SNX29: variants seen among roughly 807,000 people sequenced by gnomAD.
SNX29 encodes the protein sorting nexin-29.
A neutral mutation model predicts 102.1 loss-of-function variants in SNX29; 78 were observed. The ratio of observed to expected loss-of-function variants is 0.76; its 90% confidence interval spans 0.64 to 0.92. The LOEUF (loss-of-function observed/expected upper bound fraction) is 0.92, where lower values mean the gene tolerates loss of function less well. Ranked by LOEUF, SNX29 falls within the 40% of genes least tolerant of loss-of-function variation. SNX29 has a pLI of 0.00. For synonymous variants in SNX29, 580 were observed against 414.5 expected (o/e 1.40, Z -4.85); for missense variants, 1,280 against 1,061.7 (o/e 1.21, Z -2.86).
intron 13 of SNX29, among the ~76,000 whole-genome samples, chr16:12,196,383 C>T (rs2076773644): frequency 1.3e-5 from 2 of 150,580 alleles, no homozygotes; most frequent in Admixed American, 6.6e-5. Context: ...ATATTAAGTG[C>T]CCTACTCAGA....
intron 14 of SNX29, among the ~76,000 whole-genome samples, chr16:12,233,624 G>C (rs2077836521): frequency 6.6e-6 from 1 of 152,154 alleles, no homozygotes; most frequent in Admixed American, 6.5e-5. Flanking sequence ...ACTTTATTGA[G>C]ATATAATTCA....
chr16:11,993,067 A>C (rs2055915563), intron 1 of SNX29, among the ~76,000 whole-genome samples: 1 of 152,060 alleles, frequency 6.6e-6, no homozygotes, highest in Admixed American at 6.6e-5. Flanking sequence ...CAGGAGGCTG[A>C]GGTAGGAGAA....
chr16:12,345,901 A>G (rs764055187), intron 15 of SNX29, among the ~76,000 whole-genome samples: 3 of 152,182 alleles, frequency 2.0e-5, no homozygotes, highest in African/African-American at 7.2e-5. Context: ...TGGATTGTGG[A>G]CAAATGTGAA....
intron 16 of SNX29, among the ~76,000 whole-genome samples, chr16:12,383,094 C>A (rs890921562): frequency 6.6e-6 from 1 of 152,190 alleles, no homozygotes; most frequent in Non-Finnish European, 1.5e-5. Flanking sequence ...ACAAGTAATA[C>A]ATGAAGACAT....
intron 18 of SNX29, among the ~76,000 whole-genome samples, chr16:12,415,348 G>A (rs1381709917): frequency 1.3e-5 from 2 of 152,244 alleles, no homozygotes; most frequent in Non-Finnish European, 2.9e-5. Context: ...TTGGAGTCTT[G>A]ATCAAGATGC....
intron 16 of SNX29, among the ~76,000 whole-genome samples, chr16:12,395,863 C>G (rs893022069): frequency 3.3e-5 from 5 of 152,222 alleles, no homozygotes; most frequent in African/African-American, 1.2e-4. Context: ...TGGCTCCAGT[C>G]TTGAAAGACA....
intron 1 of SNX29, among the ~76,000 whole-genome samples, chr16:11,991,705 G>A (rs2055857834): frequency 7.4e-6 from 1 of 134,790 alleles, no homozygotes; most frequent in South Asian, 2.3e-4. Flanking sequence ...ACCACCTGAG[G>A]CTAATCTTTT....
At chr16:12,529,501 G>A (rs979517160) in intron 20 of SNX29, among the ~76,000 whole-genome samples, 22 of 152,134 alleles carry the variant, frequency 1.4e-4, no homozygotes, top group African/African-American at 4.8e-4. Context: ...GTCATTTAGC[G>A]CATTATTAAA....
chr16:12,229,813 T>G (rs1022068769), intron 14 of SNX29, among the ~76,000 whole-genome samples: 8 of 152,224 alleles, frequency 5.3e-5, no homozygotes, highest in Admixed American at 1.3e-4. Context: ...ACTGGTCAAC[T>G]GTGCTTGGAC....
At chr16:11,994,860 T>G (rs986280800) in intron 1 of SNX29, among the ~76,000 whole-genome samples, 6 of 152,128 alleles carry the variant, frequency 3.9e-5, no homozygotes, top group African/African-American at 1.4e-4. Context: ...CTCCATAGAC[T>G]GTAGAGCTGG....
At chr16:12,117,746 T>C (rs2053793998) in intron 11 of SNX29, among the ~76,000 whole-genome samples, 1 of 152,184 alleles carries the variant, frequency 6.6e-6, no homozygotes, top group South Asian at 2.1e-4. Context: ...ATTGTTCACT[T>C]TCAAATGGTT....
Position 12,098,678 on chromosome 16 carries a change from G to A in SNX29, c.1402+19763G>A, listed in dbSNP as rs964366588. ...TCATCCTGTAAGACACAGCTTAGGC[G>A]TCACCTCCTCCAGACAGACAGACAC... On this transcript the variant is annotated intron_variant, in intron 11 of 20. Coordinates refer to ENST00000566228, the MANE Select transcript of SNX29 (RefSeq NM_032167.5). This position sits in a 1 kb window ranked among gnomAD's most constrained non-coding sequence, Gnocchi z 6.0. Among the ~76,000 whole-genome samples the A allele has an allele frequency of 1.3e-5, 2 of 152,206 alleles. No homozygotes were observed. The highest frequency in any genetic ancestry group is 2.9e-5 in the Non-Finnish European group (2 of 68,046).
chr16:12,531,790 C>G lies in SNX29; in HGVS notation c.2318+6949C>G, dbSNP rs530610357. On this transcript the variant is annotated intron_variant, in intron 20 of 20. Transcript: ENST00000566228. The stretch of plus-strand genomic sequence containing the variant: ...GTCTACGTGCATCCTGAAGGCAGGC[C>G]CAGAGCCAGGCGAGGGCAGAGTGAA... 3.9e-5 allele frequency among the ~76,000 whole-genome samples: 6 copies of G among 152,220 alleles called. No homozygotes were observed. The East Asian group carries it at 1.2e-3, about 29-fold the overall frequency.
chr16:12,472,859 TA>T (rs2087425008), intron 18 of SNX29, among the ~76,000 whole-genome samples: 1 of 152,172 alleles, frequency 6.6e-6, no homozygotes, highest in South Asian at 2.1e-4. Flanking sequence ...AACTTCCTCT[TA>T]AAATGAAGAA....
At chr16:12,163,033 C>T (rs991603882) in intron 13 of SNX29, among the ~76,000 whole-genome samples, 6 of 152,142 alleles carry the variant, frequency 3.9e-5, no homozygotes, top group Non-Finnish European at 5.9e-5. Context: ...AGGCATGTAC[C>T]ACCATGCCCA....
At chr16:12,296,372 A>G (rs2079982102) in intron 15 of SNX29, among the ~76,000 whole-genome samples, 1 of 151,958 alleles carries the variant, frequency 6.6e-6, no homozygotes, top group Non-Finnish European at 1.5e-5. Flanking sequence ...GCCCTTATAT[A>G]TGGGGAGAAG....
chr16:12,370,112 C>A (rs973520206), intron 16 of SNX29, among the ~76,000 whole-genome samples: 1 of 151,732 alleles, frequency 6.6e-6, no homozygotes, highest in African/African-American at 2.4e-5. Flanking sequence ...ATCCCAGCTA[C>A]TCGGGAGGCT....
chr16:12,290,607 A>G (rs1567403588), intron 15 of SNX29, among the ~76,000 whole-genome samples: 1 of 152,236 alleles, frequency 6.6e-6, no homozygotes, highest in South Asian at 2.1e-4. Flanking sequence ...CAGAATAAAA[A>G]AACTTGGCTC....
chr16:12,120,994 G>A (rs1219702904), intron 11 of SNX29, among the ~76,000 whole-genome samples: 2 of 152,344 alleles, frequency 1.3e-5, no homozygotes, highest in South Asian at 2.1e-4. Flanking sequence ...TTTCTGTCCA[G>A]CTCATCCCAT....
Sources: allele counts gnomAD v4.1 joint callset (sites outside exome capture counted in the v4.1 genomes callset), GRCh38; gene constraint gnomAD v4.1.1; non-coding constraint Gnocchi (gnomAD v3.1); transcripts MANE v1.5; gene names NCBI Gene and HGNC (gene_info 2026-07-23, HGNC 2026-07-21).